R3HDM1: variants seen among roughly 807,000 people sequenced by gnomAD.
The protein encoded by R3HDM1 is R3H domain containing 1.
R3HDM1 carries 46 observed loss-of-function variants against 141.1 expected under a neutral mutation model. The ratio of observed to expected loss-of-function variants is 0.33; its 90% CI spans 0.26 to 0.42. The LOEUF (loss-of-function observed/expected upper bound fraction) is 0.42. Among genes scored for constraint, R3HDM1 ranks in the 10% least tolerant of loss-of-function variants. The probability of loss-of-function intolerance (pLI) is 1.00; values close to 1 mark genes in which losing one functional copy is unlikely to be tolerated. For missense variants in R3HDM1, 1,184 were observed against 1,368.3 expected (o/e 0.87, Z 2.12); for synonymous variants, 435 against 472.9 (o/e 0.92, Z 1.04).
intron 21 of R3HDM1, among the ~76,000 whole-genome samples, chr2:135,688,679 G>C (rs313529): frequency 0.029 from 4,474 of 152,298 alleles, 202 homozygotes; most frequent in African/African-American, 0.093. Context: ...GCTCATGGCT[G>C]TGATCCCAGC....
chr2:135,713,408 A>C (rs73958614), intron 23 of R3HDM1, among the ~76,000 whole-genome samples: 16,887 of 152,266 alleles, frequency 0.11, 1,184 homozygotes, highest in South Asian at 0.32. Flanking sequence ...AAATTGGTAC[A>C]GCTCTTTGGA....
At position 135,537,608 on chromosome 2, in the gene R3HDM1, C is replaced by CTTATTTTATTTTATTTTATTTTATT. The variant is rs60815896; in HGVS notation, c.-250+6019_-250+6043dup. On this transcript the variant is annotated intron_variant, in intron 1 of 26. Coordinates refer to ENST00000683871, the MANE Select transcript of R3HDM1 (RefSeq NM_001378107.1). ...GCCTAGGCCTTCATTTTAGTGAGCC[C>CTTATTTTATTTTATTTTATTTTATT]TTATTTTATTTTATTTTATTTTATT... Among the ~76,000 whole-genome samples the CTTATTTTATTTTATTTTATTTTATT allele has an allele frequency of 4.3e-4, 46 of 107,394 alleles. 1 individual carries two copies. The highest frequency in any genetic ancestry group is 1.4e-3 in the Admixed American group (13 of 9,414). 70.5% of individuals were successfully genotyped at this position (107,394 alleles called of 152,430 possible). A position where few individuals can be genotyped will look rare whatever the true frequency, so the allele number is the denominator to read the frequency against.
intron 1 of R3HDM1, among the ~76,000 whole-genome samples, chr2:135,598,159 T>C (rs2059347127): frequency 6.6e-6 from 1 of 152,206 alleles, no homozygotes; most frequent in Non-Finnish European, 1.5e-5. Flanking sequence ...ATTTGTAAGC[T>C]ACTGCCTTCT....
intron 1 of R3HDM1, among the ~76,000 whole-genome samples, chr2:135,577,710 C>A (rs929985225): frequency 1.3e-5 from 2 of 151,540 alleles, no homozygotes; most frequent in African/African-American, 4.8e-5. Flanking sequence ...TGGTGGTGGG[C>A]GCCTGTAATC....
intron 21 of R3HDM1, among the ~76,000 whole-genome samples, chr2:135,701,434 A>G (rs2074191514): frequency 6.6e-6 from 1 of 152,134 alleles, no homozygotes; most frequent in Non-Finnish European, 1.5e-5. Flanking sequence ...ATACACATGC[A>G]TACATATAAA....
intron 21 of R3HDM1, among the ~76,000 whole-genome samples, chr2:135,702,249 G>A (rs1177570564): frequency 1.4e-5 from 2 of 146,024 alleles, no homozygotes; most frequent in African/African-American, 2.6e-5. Context: ...AAGGCTGGGC[G>A]CAGTGGCTCA....
At chr2:135,567,660 A>T (rs1259050893) in intron 1 of R3HDM1, among the ~76,000 whole-genome samples, 1 of 152,138 alleles carries the variant, frequency 6.6e-6, no homozygotes, top group Non-Finnish European at 1.5e-5. Flanking sequence ...GAAAGGGTAA[A>T]CCATGCCCAA....
chr2:135,719,152 T>A (rs1287872731), intron 24 of R3HDM1, among the ~76,000 whole-genome samples: 2 of 148,126 alleles, frequency 1.4e-5, no homozygotes, highest in Admixed American at 1.3e-4. Flanking sequence ...CATCGCTAAA[T>A]AAATAATTTA....
At chr2:135,581,128 G>C in intron 1 of R3HDM1, 2 of 930,920 alleles carry the variant, frequency 2.1e-6, no homozygotes, top group Non-Finnish European at 2.6e-6. Flanking sequence ...CCATTTTAAA[G>C]GCTGGAGACC....
At chr2:135,541,867 A>AG (rs1697631860) in intron 1 of R3HDM1, among the ~76,000 whole-genome samples, 2 of 146,298 alleles carry the variant, frequency 1.4e-5, no homozygotes, top group South Asian at 2.2e-4. Context: ...AAAAAAAAAA[A>AG]AAAAGAAAGA....
intron 21 of R3HDM1, among the ~76,000 whole-genome samples, chr2:135,688,432 G>A (rs1196017658): frequency 6.6e-6 from 1 of 152,166 alleles, no homozygotes; most frequent in Admixed American, 6.5e-5. Context: ...AGCTGGATTG[G>A]TGGATTCATA....
chr2:135,541,851 T>TAAAAAAAAAAAAAAAAAAA (rs10558924), intron 1 of R3HDM1, among the ~76,000 whole-genome samples: 1 of 121,920 alleles, frequency 8.2e-6, no homozygotes, highest in Non-Finnish European at 1.8e-5. Flanking sequence ...TTCAATTTGT[T>TAAAAAAAAAAAAAAAAAAA]AAAAAAAAAA....
intron 1 of R3HDM1, among the ~76,000 whole-genome samples, chr2:135,544,387 T>TTG (rs1287404060): frequency 6.6e-6 from 1 of 152,238 alleles, no homozygotes; most frequent in East Asian, 1.9e-4. Context: ...AAACACAACT[T>TTG]GACAAAGTCT....
intron 1 of R3HDM1, among the ~76,000 whole-genome samples, chr2:135,557,402 C>A (rs1700992541): frequency 6.6e-6 from 1 of 152,058 alleles, no homozygotes; most frequent in Non-Finnish European, 1.5e-5. Context: ...GTAAGTGATA[C>A]AAATCCAAAG....
chr2:135,643,292 A>G (rs2063997156), intron 15 of R3HDM1, among the ~76,000 whole-genome samples: 1 of 152,158 alleles, frequency 6.6e-6, no homozygotes, highest in African/African-American at 2.4e-5. Context: ...TATAACTGTC[A>G]CACAAATTAT....
chr2:135,584,948 G>GA (rs1406879611), intron 1 of R3HDM1, among the ~76,000 whole-genome samples: 1 of 152,116 alleles, frequency 6.6e-6, no homozygotes. Flanking sequence ...TTTTATCTGA[G>GA]AAAAAAATCA....
chr2:135,577,552 T>G (rs1705746639), intron 1 of R3HDM1, among the ~76,000 whole-genome samples: 1 of 151,718 alleles, frequency 6.6e-6, no homozygotes, highest in African/African-American at 2.4e-5. Flanking sequence ...AGTTTTAAGT[T>G]CATACAGAGA....
intron 5 of R3HDM1, among the ~76,000 whole-genome samples, 187 bp downstream of exon 5, chr2:135,616,944 A>G (rs2061075135): frequency 6.6e-6 from 1 of 152,202 alleles, no homozygotes; most frequent in Non-Finnish European, 1.5e-5. Flanking sequence ...GCTTAGAGCA[A>G]TTATTACTCT....
chr2:135,571,310 A>AT (rs200573723), intron 1 of R3HDM1, among the ~76,000 whole-genome samples: 23 of 151,592 alleles, frequency 1.5e-4, no homozygotes, highest in East Asian at 3.9e-4. Flanking sequence ...TTATTTTATT[A>AT]TTTTTTTTTA....
Sources: gnomAD v4.1 joint callset for allele counts (sites outside exome capture counted in the v4.1 genomes callset) on GRCh38, gnomAD v4.1.1 for gene constraint, MANE v1.5 for transcripts, NCBI Gene and HGNC (gene_info 2026-07-23, HGNC 2026-07-21) for gene names.